Variants in DNAH17 observed in about 807,000 individuals in gnomAD.
DNAH17 encodes dynein axonemal heavy chain 17, also known as axonemal beta dynein heavy chain 17.
A neutral mutation model predicts 485.6 loss-of-function variants in DNAH17; 376 were observed. That is an observed-to-expected ratio of 0.77 (90% confidence interval 0.71 to 0.84). The LOEUF is 0.84. Among genes scored for constraint, DNAH17 ranks in the 40% least tolerant of loss-of-function variants. DNAH17 has a pLI of 0.00. For synonymous variants in DNAH17, 3,031 were observed against 2,405.9 expected (o/e 1.26, Z -7.60); for missense variants, 6,370 against 5,839.3 (o/e 1.09, Z -2.96).
rs11077377 is a variant in DNAH17 at position 78,499,277 on chromosome 17, T to C, written c.5641-165A>G. ...CAGGCCAGCAGGCAGGTCAGCTTAC[T>C]GCCCAGGGTAACACCGTGGAGGGCT... On this transcript the variant is annotated intron_variant, in intron 36 of 80. Coordinates refer to ENST00000389840, the MANE Select transcript of DNAH17 (RefSeq NM_173628.4). 0.25 allele frequency: 128,126 copies of C among 508,006 alleles called. 17,093 individuals are homozygous for C. Among genetic ancestry groups the C allele is most frequent in the South Asian group, 0.34 (11,417 of 33,394 alleles). The allele number at this position is 508,006 out of a possible 1,614,324, so 31.5% of individuals were successfully genotyped here. A position where few individuals can be genotyped will look rare whatever the true frequency, so the allele number is the denominator to read the frequency against.
At chr17:78,563,726 G>A (rs2092208514) in intron 11 of DNAH17, among the ~76,000 whole-genome samples, 2 of 152,078 alleles carry the variant, frequency 1.3e-5, no homozygotes, top group African/African-American at 2.4e-5. Flanking sequence ...TGTGCGAGTT[G>A]CTGATAATGA....
chr17:78,554,062 T>A (rs1430573631), intron 14 of DNAH17, among the ~76,000 whole-genome samples: 1 of 152,182 alleles, frequency 6.6e-6, no homozygotes, highest in Non-Finnish European at 1.5e-5. Flanking sequence ...CCCAAAGTGC[T>A]GGGATTACAG....
At chr17:78,443,823 C>A (rs2087166705) in intron 71 of DNAH17, among the ~76,000 whole-genome samples, 1 of 152,168 alleles carries the variant, frequency 6.6e-6, no homozygotes, top group African/African-American at 2.4e-5. Context: ...CAGGTGTGAG[C>A]CACTGCACCT....
intron 73 of DNAH17, 71 bp from the exon 74 acceptor site, chr17:78,437,939 G>C: frequency 8.2e-7 from 1 of 1,216,142 alleles, no homozygotes; most frequent in Non-Finnish European, 1.2e-6. Context: ...ACTGGCACGT[G>C]GCTATGTTCC....
intron 46 of DNAH17, 93 bp downstream of exon 46, chr17:78,485,867 G>T: frequency 1.3e-6 from 2 of 1,571,874 alleles, no homozygotes; most frequent in Non-Finnish European, 8.7e-7. Context: ...AAAATCGGTT[G>T]TGTTTGGACA....
chr17:78,426,417 C>A (rs772728139), intron 79 of DNAH17, 40 bp downstream of exon 79: 10 of 1,547,304 alleles, frequency 6.5e-6, no homozygotes, highest in African/African-American at 1.4e-5. Flanking sequence ...GCACTCGGTC[C>A]CCGAGTCTTA....
At chr17:78,548,615 A>C (rs753617945) in intron 16 of DNAH17, among the ~76,000 whole-genome samples, 1 of 152,210 alleles carries the variant, frequency 6.6e-6, no homozygotes, top group Non-Finnish European at 1.5e-5. Context: ...AATGCTGCAC[A>C]ATCTTTGAAC....
rs1341743926 is a variant in DNAH17 at position 78,459,059 on chromosome 17, G to A, written c.9803C>T (p.Ala3268Val). 6.2e-7 allele frequency: 1 copy of A among 1,614,010 alleles called. No individual in the cohort carries two copies. Reference sequence around the variant, plus strand: ...TTGTGCCTCTGCCAGCTCTGCATTAGCCTCCTCCAGTGCCTGCCTCTTGGG... The same window carrying A: ...TTGTGCCTCTGCCAGCTCTGCATTAACCTCCTCCAGTGCCTGCCTCTTGGG... ...VAPKRQALEE[A>V]NAELAEAQEK... The change falls in exon 61 of 81, where the codon GCT becomes GTT. Residue 3268 changes from alanine (A) to valine (V), a missense_variant. Physicochemically the swap from Ala to Val is moderately conservative, Grantham distance 64. Transcript: ENST00000389840.
chr17:78,484,324 AG>A (rs914793715), intron 48 of DNAH17, among the ~76,000 whole-genome samples: 3 of 151,772 alleles, frequency 2.0e-5, no homozygotes, highest in African/African-American at 7.3e-5. Flanking sequence ...CACGTGTGGC[AG>A]GGCATTTACA....
At chr17:78,528,900 C>T (rs2091150155) in intron 22 of DNAH17, among the ~76,000 whole-genome samples, 1 of 152,024 alleles carries the variant, frequency 6.6e-6, no homozygotes, top group Non-Finnish European at 1.5e-5. Flanking sequence ...CCTCCACCAG[C>T]ACTCCCACCA....
At position 78,569,500 on chromosome 17, in the gene DNAH17, C is replaced by T. The variant is rs767993002; in HGVS notation, c.1072G>A (p.Val358Met). The T allele has an allele frequency of 4.4e-6, 7 of 1,609,104 alleles. No individual in the cohort carries two copies. Among genetic ancestry groups the T allele is most frequent in the Non-Finnish European group, 5.1e-6 (6 of 1,177,718 alleles). The change falls in exon 8 of 81, where the codon GTG becomes ATG. Residue 358 changes from valine (V) to methionine (M), a missense_variant. Coordinates refer to ENST00000389840, the MANE Select transcript of DNAH17 (RefSeq NM_173628.4). ...MTRTFLSPEE[V>M]LKGLQGEIEE... is the part of the protein sequence containing the mutation. ...ATTTCACCTTGCAGGCCCTTCAGCA[C>T]CTCTTCCGGGCTCAGGAAGGTTCGT...
chr17:78,513,655 C>T (rs2143112177), intron 26 of DNAH17, among the ~76,000 whole-genome samples: 1 of 152,250 alleles, frequency 6.6e-6, no homozygotes, highest in Admixed American at 6.5e-5. Flanking sequence ...AGGCTGGTCT[C>T]AAACTCCTGG....
chr17:78,445,350 G>A (rs576691945), intron 70 of DNAH17, among the ~76,000 whole-genome samples: 4 of 152,150 alleles, frequency 2.6e-5, no homozygotes, highest in African/African-American at 7.2e-5. Flanking sequence ...CCTAACACAT[G>A]TCACATTCCC....
intron 32 of DNAH17, 93 bp from the exon 33 acceptor site, chr17:78,502,791 A>G: frequency 6.3e-7 from 1 of 1,585,956 alleles, no homozygotes; most frequent in African/African-American, 1.4e-5. Flanking sequence ...ATGGTTTTCC[A>G]GGGGACCACA....
intron 70 of DNAH17, 33 bp from the exon 71 acceptor site, chr17:78,444,830 TC>T: frequency 6.5e-7 from 1 of 1,533,136 alleles, no homozygotes; most frequent in Non-Finnish European, 8.8e-7. Flanking sequence ...CTGTGACTCT[TC>T]CCACTTACCC....
intron 18 of DNAH17, 46 bp from the exon 19 acceptor site, chr17:78,537,527 A>C (rs1395138302): frequency 1.3e-6 from 2 of 1,595,368 alleles, no homozygotes. Flanking sequence ...TCTGTCCTCC[A>C]TCGGATGATT....
intron 19 of DNAH17, among the ~76,000 whole-genome samples, chr17:78,533,546 G>A (rs1037969337): frequency 2.0e-5 from 3 of 152,210 alleles, no homozygotes; most frequent in Admixed American, 1.3e-4. Flanking sequence ...GATCTTTTTA[G>A]TTGCCAGTGA....
In DNAH17 at chr17:78,479,728, G is replaced by T. The variant is rs925989759; in HGVS notation, c.7753-96C>A. 4 of 1,529,866 alleles carry T rather than the reference G, an allele frequency of 2.6e-6. No individual in the cohort carries two copies. In the African/African-American group the frequency reaches 4.2e-5, roughly 16 times the overall value. 94.8% of individuals were successfully genotyped at this position (1,529,866 alleles called of 1,614,324 possible). A position where few individuals can be genotyped will look rare whatever the true frequency, so the allele number is the denominator to read the frequency against. On this transcript the variant is annotated intron_variant, in intron 49 of 80. Coordinates refer to ENST00000389840, the MANE Select transcript of DNAH17 (RefSeq NM_173628.4). ...GCGGGAGAGTGGCCCCTGTCCTCAT[G>T]TTCTAAGGTCTTTTGGGCATTGTCA...
intron 51 of DNAH17, chr17:78,478,801 A>G: frequency 1.9e-6 from 1 of 518,400 alleles, no homozygotes. Flanking sequence ...AACCATCACT[A>G]CCACCATCAT....
Sources: gnomAD v4.1 joint callset for allele counts (sites outside exome capture counted in the v4.1 genomes callset) on GRCh38, gnomAD v4.1.1 for gene constraint, MANE v1.5 for transcripts, NCBI Gene and HGNC (gene_info 2026-07-23, HGNC 2026-07-21) for gene names.